The following PCDH9 variants were observed in gnomAD, a reference collection of about 807,000 sequenced individuals.
PCDH9 encodes the protein protocadherin 9.
PCDH9 carries 24 observed loss-of-function variants against 70.6 expected under a neutral mutation model. That is an observed-to-expected ratio of 0.34 (90% confidence interval 0.25 to 0.48). The LOEUF is 0.48. Ranked by LOEUF, PCDH9 falls within the 20% of genes least tolerant of loss-of-function variation. The probability of loss-of-function intolerance (pLI) is 0.99; values close to 1 mark genes in which losing one functional copy is unlikely to be tolerated. For missense variants in PCDH9, 1,281 were observed against 1,503.6 expected, an observed-to-expected ratio of 0.85 and a Z score of 2.45; for synonymous variants, 562 against 558.5, an observed-to-expected ratio of 1.01 and a Z score of -0.09.
intron 2 of PCDH9, among the ~76,000 whole-genome samples, chr13:66,982,236 A>T (rs1408897479): frequency 2.0e-5 from 3 of 152,162 alleles, no homozygotes. Context: ...TGTCAGCCCC[A>T]TGCTTGTACA....
intron 2 of PCDH9, among the ~76,000 whole-genome samples, chr13:67,054,642 G>A (rs964580246): frequency 6.6e-6 from 1 of 152,040 alleles, no homozygotes; most frequent in African/African-American, 2.4e-5. Context: ...GAAATATATT[G>A]CAATGTTTAA....
At chr13:66,706,888 G>A (rs1460985623) in intron 3 of PCDH9, among the ~76,000 whole-genome samples, 3 of 152,144 alleles carry the variant, frequency 2.0e-5, no homozygotes, top group African/African-American at 7.2e-5. Flanking sequence ...CTCAGTCATG[G>A]AGACTCCCAT....
At chr13:67,034,540 T>C (rs2084972097) in intron 2 of PCDH9, among the ~76,000 whole-genome samples, 1 of 152,144 alleles carries the variant, frequency 6.6e-6, no homozygotes, top group Admixed American at 6.5e-5. Flanking sequence ...CATTGTATAA[T>C]ACGGATCTAT....
chr13:67,084,987 AAAAAAAAAAAAT>A (rs1475081521), intron 2 of PCDH9, among the ~76,000 whole-genome samples: 3 of 74,976 alleles, frequency 4.0e-5, no homozygotes, highest in African/African-American at 1.5e-4. Flanking sequence ...AAAAAAAAAA[AAAAAAAAAAAAT>A]ATATATATAT....
chr13:66,529,702 G>A (rs947662143), intron 4 of PCDH9, among the ~76,000 whole-genome samples: 6 of 151,448 alleles, frequency 4.0e-5, no homozygotes, highest in Non-Finnish European at 8.8e-5. Context: ...GATTTGTTTT[G>A]CCTCTTGCTT....
chr13:66,338,586 G>A (rs1164775798), intron 4 of PCDH9, among the ~76,000 whole-genome samples: 1 of 151,716 alleles, frequency 6.6e-6, no homozygotes, highest in Non-Finnish European at 1.5e-5. Flanking sequence ...TACACTCAAT[G>A]GCAGATGAAC....
At chr13:66,343,270 C>A (rs186565553) in intron 4 of PCDH9, among the ~76,000 whole-genome samples, 30 of 152,282 alleles carry the variant, frequency 2.0e-4, no homozygotes, top group Non-Finnish European at 4.3e-4. Context: ...TGTCACAATT[C>A]TATAGGTCAC....
intron 4 of PCDH9, among the ~76,000 whole-genome samples, chr13:66,318,841 A>G (rs1368684403): frequency 6.6e-6 from 1 of 152,174 alleles, no homozygotes; most frequent in Non-Finnish European, 1.5e-5. Context: ...TTATTTTCCA[A>G]ACTGTCCTAT....
chr13:66,503,917 A>G (rs1181724488), intron 4 of PCDH9, among the ~76,000 whole-genome samples: 1 of 152,186 alleles, frequency 6.6e-6, no homozygotes, highest in African/African-American at 2.4e-5. Context: ...AACAGAAGAG[A>G]TACACAAAAC....
chr13:67,198,571 A>G (rs1413184934), intron 2 of PCDH9, among the ~76,000 whole-genome samples: 1 of 151,946 alleles, frequency 6.6e-6, no homozygotes, highest in Admixed American at 6.6e-5. Context: ...ATACCAAATC[A>G]TGAATATGCT....
In PCDH9 at chr13:66,576,424, C is replaced by T. The variant is rs186178085; in HGVS notation, c.3340+54786G>A. 5.0e-3 allele frequency among the ~76,000 whole-genome samples: 758 copies of T among 151,984 alleles called. 7 individuals are homozygous for T. Among genetic ancestry groups the T allele is most frequent in the Non-Finnish European group, 5.9e-3 (404 of 67,934 alleles). On this transcript the variant is annotated intron_variant, in intron 4 of 4. Transcript: ENST00000377865. Reference sequence around the variant, plus strand: ...TCAAACCTTTATGGCTATTATAGGGCCTCTGGAGGAATCTTGTTTAAGATT... The same window carrying T: ...TCAAACCTTTATGGCTATTATAGGGTCTCTGGAGGAATCTTGTTTAAGATT...
At chr13:66,696,660 C>T (rs1566511509) in intron 3 of PCDH9, among the ~76,000 whole-genome samples, 1 of 152,128 alleles carries the variant, frequency 6.6e-6, no homozygotes, top group Non-Finnish European at 1.5e-5. Flanking sequence ...CTATGCAACA[C>T]TACTTTGTGC....
At chr13:66,959,053 T>C (rs1180117196) in intron 2 of PCDH9, among the ~76,000 whole-genome samples, 3 of 152,204 alleles carry the variant, frequency 2.0e-5, no homozygotes, top group African/African-American at 7.2e-5. Flanking sequence ...AACAAGACAG[T>C]ACATACATTA....
chr13:66,346,936 T>C (rs1268430714), intron 4 of PCDH9, among the ~76,000 whole-genome samples: 1 of 152,218 alleles, frequency 6.6e-6, no homozygotes, highest in Non-Finnish European at 1.5e-5. Context: ...CCAACCATAG[T>C]GGAAATACAA....
At chr13:66,503,287 T>G (rs556347571) in intron 4 of PCDH9, among the ~76,000 whole-genome samples, 1 of 152,286 alleles carries the variant, frequency 6.6e-6, no homozygotes, top group Admixed American at 6.5e-5. Context: ...ATTAAGGCAT[T>G]GTTTGGCAAA....
chr13:66,735,580 C>A (rs867748397), intron 3 of PCDH9, among the ~76,000 whole-genome samples: 6 of 151,994 alleles, frequency 3.9e-5, no homozygotes, highest in Middle Eastern at 3.2e-3. Flanking sequence ...TAAAAAAAAG[C>A]AACAAAATTA....
At chr13:66,486,637 GA>G (rs35868123) in intron 4 of PCDH9, among the ~76,000 whole-genome samples, 32,838 of 116,010 alleles carry the variant, frequency 0.28, 3,997 homozygotes, top group African/African-American at 0.37. Context: ...TGCTATCTCA[GA>G]AAAAAAAAAA....
chr13:66,454,677 C>T (rs1958282389), intron 4 of PCDH9, among the ~76,000 whole-genome samples: 1 of 152,256 alleles, frequency 6.6e-6, no homozygotes, highest in Admixed American at 6.5e-5. Context: ...GGGTTACTGG[C>T]AAGATTTTCT....
intron 3 of PCDH9, among the ~76,000 whole-genome samples, chr13:66,877,508 A>G (rs2081838365): frequency 6.6e-6 from 1 of 152,144 alleles, no homozygotes; most frequent in Non-Finnish European, 1.5e-5. Flanking sequence ...AGCTTACATA[A>G]GCCTTGGAGT....
Sources: gnomAD v4.1 joint callset for allele counts (sites outside exome capture counted in the v4.1 genomes callset) on GRCh38, gnomAD v4.1.1 for gene constraint, MANE v1.5 for transcripts, NCBI Gene and HGNC (gene_info 2026-07-23, HGNC 2026-07-21) for gene names.